The following HIP1 variants were observed in gnomAD, a reference collection of about 807,000 sequenced individuals.
HIP1 encodes huntingtin interacting protein 1.
Under a neutral mutation model 147.6 loss-of-function variants are expected in HIP1, and 65 were observed. The ratio of observed to expected loss-of-function variants is 0.44; its 90% CI spans 0.36 to 0.54. The LOEUF (loss-of-function observed/expected upper bound fraction) is 0.54. Among genes scored for constraint, HIP1 ranks in the 20% least tolerant of loss-of-function variants. The pLI, the probability that HIP1 is intolerant of heterozygous loss-of-function variation, is 0.00. For synonymous variants in HIP1, 479 were observed against 504.0 expected, an observed-to-expected ratio of 0.95 and a Z score of 0.67; for missense variants, 1,061 against 1,299.6, an observed-to-expected ratio of 0.82 and a Z score of 2.82.
intron 1 of HIP1, among the ~76,000 whole-genome samples, chr7:75,656,452 A>G (rs999210689): frequency 1.3e-5 from 2 of 152,104 alleles, no homozygotes; most frequent in South Asian, 4.2e-4. Context: ...AAAAAAGAAA[A>G]TATGTTTCCA....
intron 5 of HIP1, among the ~76,000 whole-genome samples, chr7:75,584,487 A>G (rs1370397458): frequency 1.3e-5 from 2 of 152,190 alleles, no homozygotes; most frequent in Admixed American, 6.5e-5. Context: ...AAAACCAGGA[A>G]AAACAAGACA....
At chr7:75,573,676 C>T in intron 8 of HIP1, 85 bp downstream of exon 8, 3 of 1,386,386 alleles carry the variant, frequency 2.2e-6, no homozygotes, top group Admixed American at 3.7e-5. Context: ...CTGAGAAGGA[C>T]TGCGTTTCTC....
At chr7:75,636,955 C>T (rs1554509772) in intron 1 of HIP1, among the ~76,000 whole-genome samples, 2 of 152,196 alleles carry the variant, frequency 1.3e-5, no homozygotes, top group African/African-American at 4.8e-5. Flanking sequence ...TGCCCATCCT[C>T]TTCCTGCGAT....
chr7:75,555,734 T>A (rs1794976594), intron 18 of HIP1, among the ~76,000 whole-genome samples, 183 bp from the exon 19 acceptor site: 1 of 152,158 alleles, frequency 6.6e-6, no homozygotes, highest in Non-Finnish European at 1.5e-5. Flanking sequence ...GCCCACGATG[T>A]GCGGCTGCCC....
At chr7:75,567,572 G>T (rs782762559) in intron 9 of HIP1, among the ~76,000 whole-genome samples, 4 of 151,344 alleles carry the variant, frequency 2.6e-5, no homozygotes, top group Non-Finnish European at 5.9e-5. Flanking sequence ...GGAGGCTGAG[G>T]TGGGCAGATC....
intron 4 of HIP1, among the ~76,000 whole-genome samples, chr7:75,590,060 A>G (rs1796446397): frequency 6.6e-6 from 1 of 152,142 alleles, no homozygotes. Context: ...ACAAGCAAAC[A>G]CAGTGTCAGC....
At chr7:75,622,885 CT>C (rs1797897839) in intron 1 of HIP1, among the ~76,000 whole-genome samples, 1 of 127,218 alleles carries the variant, frequency 7.9e-6, no homozygotes, top group African/African-American at 3.6e-5. Flanking sequence ...ATCTATCTAT[CT>C]ATCTATCTAT....
At chr7:75,664,231 G>T (rs111211694) in intron 1 of HIP1, among the ~76,000 whole-genome samples, 1 of 119,996 alleles carries the variant, frequency 8.3e-6, no homozygotes, top group African/African-American at 3.5e-5. Flanking sequence ...TATTGTGTGT[G>T]TATACATACA....
intron 23 of HIP1, among the ~76,000 whole-genome samples, chr7:75,548,244 G>A (rs587707752): frequency 1.3e-5 from 2 of 151,946 alleles, no homozygotes; most frequent in East Asian, 1.9e-4. Context: ...GTCCAGGCTG[G>A]TCTCAAACTC....
Position 75,568,181 on chromosome 7 carries a change from G to C in HIP1, c.803+18C>G. ...CGCTCTTGAATTCACCTCCATTCCT[G>C]TTACTTGAACCACTTACTTTGTAAA... On this transcript the variant is annotated intron_variant, in intron 9 of 30. Transcript: ENST00000336926. The surrounding 1 kb of genome is among the most constrained non-coding windows in gnomAD (Gnocchi z 4.1). 3 of 1,584,766 alleles carry C rather than the reference G, an allele frequency of 1.9e-6. No homozygotes were observed. The highest frequency in any genetic ancestry group is 2.6e-6 in the Non-Finnish European group (3 of 1,153,270).
At position 75,592,062 on chromosome 7, in the gene HIP1, C is replaced by T. The variant is rs1388021677; in HGVS notation, c.378G>A (p.Arg126=). ...AGTACATCTCCAAACTCACCCACAT[C>T]CTGCTCATGTCACTCAATTCATTTC... ...RYRNELSDMS[R]MWGHLSEGYG... The change falls in exon 4 of 31, where the codon AGG becomes AGA. Residue 126 remains arginine, a synonymous_variant. Transcript: ENST00000336926. The T allele has an allele frequency of 1.2e-6, 2 of 1,613,896 alleles. No individual in the cohort carries two copies. Among genetic ancestry groups the T allele is most frequent in the Non-Finnish European group, 1.7e-6 (2 of 1,179,832 alleles).
intron 1 of HIP1, among the ~76,000 whole-genome samples, chr7:75,674,892 T>G (rs1022943931): frequency 1.3e-5 from 2 of 152,014 alleles, no homozygotes; most frequent in Non-Finnish European, 2.9e-5. Context: ...TCTGACAGTG[T>G]GACTATGACG....
At chr7:75,578,216 A>C (rs1269820040) in intron 7 of HIP1, among the ~76,000 whole-genome samples, 4 of 152,160 alleles carry the variant, frequency 2.6e-5, no homozygotes, top group Non-Finnish European at 5.9e-5. Flanking sequence ...CTTATCCCTA[A>C]ACACCACAGC....
At chr7:75,674,752 A>G (rs1799840144) in intron 1 of HIP1, among the ~76,000 whole-genome samples, 1 of 151,530 alleles carries the variant, frequency 6.6e-6, no homozygotes, top group African/African-American at 2.4e-5. Context: ...CGGCCTCCCA[A>G]AGTGCTGGGA....
chr7:75,712,191 G>A (rs1554520186), intron 1 of HIP1, among the ~76,000 whole-genome samples: 1 of 152,066 alleles, frequency 6.6e-6, no homozygotes, highest in Non-Finnish European at 1.5e-5. Context: ...GGGAAAAAAA[G>A]TTATTTTCTT....
At chr7:75,556,263 C>T (rs1441287772) in intron 17 of HIP1, 94 bp from the exon 18 acceptor site, 8 of 1,453,850 alleles carry the variant, frequency 5.5e-6, no homozygotes, top group Non-Finnish European at 6.5e-6. Flanking sequence ...GTTGCAAGGA[C>T]TGGGAAGGTG....
intron 29 of HIP1, among the ~76,000 whole-genome samples, chr7:75,540,344 G>A (rs951455030): frequency 2.0e-5 from 3 of 150,930 alleles, no homozygotes; most frequent in Admixed American, 6.7e-5. Context: ...TAGGAGAATC[G>A]CTTGAACCTG....
Position 75,660,213 on chromosome 7 carries a change from T to C in HIP1, c.121-60966A>G, listed in dbSNP as rs571253533. 1.1e-4 allele frequency among the ~76,000 whole-genome samples: 11 copies of C among 96,426 alleles called. 1 individual carries two copies. The South Asian group carries it at 2.9e-3, about 25-fold the overall frequency. 63.3% of individuals were successfully genotyped at this position (96,426 alleles called of 152,430 possible). A position where few individuals can be genotyped will look rare whatever the true frequency, so the allele number is the denominator to read the frequency against. On this transcript the variant is annotated intron_variant, in intron 1 of 30. Coordinates refer to ENST00000336926, the MANE Select transcript of HIP1 (RefSeq NM_005338.7). The stretch of plus-strand genomic sequence containing the variant: ...GCCGAAGTATTTAAGATACGATACG[T>C]GGTAAAAAAAAAAAAAAAAAATGGC...
chr7:75,629,257 A>G (rs1212218545), intron 1 of HIP1, among the ~76,000 whole-genome samples: 2 of 152,128 alleles, frequency 1.3e-5, no homozygotes, highest in Non-Finnish European at 2.9e-5. Flanking sequence ...CCAGAATAGC[A>G]TATCCACGTC....
Sources: gnomAD v4.1 joint callset for allele counts (sites outside exome capture counted in the v4.1 genomes callset) on GRCh38, gnomAD v4.1.1 for gene constraint, Gnocchi (gnomAD v3.1) non-coding constraint, MANE v1.5 for transcripts, NCBI Gene and HGNC (gene_info 2026-07-23, HGNC 2026-07-21) for gene names.